Variants in KIF21B observed in about 807,000 individuals in gnomAD.
KIF21B encodes kinesin-like protein KIF21B.
In KIF21B, 85 loss-of-function variants were observed where a neutral mutation model predicts 192.9. That is an observed-to-expected ratio of 0.44 (90% confidence interval 0.37 to 0.53). The LOEUF (loss-of-function observed/expected upper bound fraction) is 0.53, where lower values mean the gene tolerates loss of function less well. Among genes scored for constraint, KIF21B ranks in the 20% least tolerant of loss-of-function variants. The probability of loss-of-function intolerance (pLI) is 0.00; values close to 1 mark genes in which losing one functional copy is unlikely to be tolerated. For missense variants in KIF21B, 1,716 were observed against 2,194.8 expected (o/e 0.78, Z 4.36); for synonymous variants, 832 against 884.6 (o/e 0.94, Z 1.05).
rs1167145203 is a variant in KIF21B at position 201,002,170 on chromosome 1, C to T, written c.1393G>A (p.Ala465Thr). ...LMSQEANLLLAKAGDGNEAIG... is the reference protein window; with the variant it reads ...LMSQEANLLLTKAGDGNEAIG... ...GCACAGCCCAACTCACCGGCCTTGG[C>T]TAGCAGCAGGTTGGCCTCCTGGCTC... The change falls in exon 9 of 35, where the codon GCC (alanine) becomes ACC (threonine). Residue 465 changes from alanine to threonine, a missense_variant. By Grantham distance (58) the Ala-to-Thr change is moderately conservative (BLOSUM62 0). This residue lies in a region of KIF21B where 1,087 missense variants were observed against 1,316.6 expected (regional missense o/e 0.83). Transcript: ENST00000461742. The T allele has an allele frequency of 1.2e-6, 2 of 1,613,844 alleles. No individual in the cohort carries two copies. The highest frequency in any genetic ancestry group is 1.3e-5 in the African/African-American group (1 of 74,942).
At chr1:201,019,497 A>C (rs1658697382) in intron 1 of KIF21B, among the ~76,000 whole-genome samples, 1 of 152,142 alleles carries the variant, frequency 6.6e-6, no homozygotes, top group Non-Finnish European at 1.5e-5. Flanking sequence ...CCAGGGTTGC[A>C]AAAATAAGCA....
rs563987924 is a variant in KIF21B, at chr1:200,974,735, T to A, written c.4793A>T (p.Lys1598Met). Residue 1598 changes from lysine (K) to methionine (M), a missense_variant, in exon 34 of 35, where the codon AAG becomes ATG. Physicochemically the swap from Lys to Met is moderately conservative, Grantham distance 95. Coordinates refer to ENST00000461742, the MANE Select transcript of KIF21B (RefSeq NM_001252102.2). ...SPINAICTNA[K>M]HIFTASSDLT... ...CCACCTGGAGGCTGTGAAGATATGC[T>A]TGGCATTGGTGCAGATGGCATTGAT... is the stretch of plus-strand genomic sequence containing the variant. 8.1e-6 allele frequency: 13 copies of A among 1,614,186 alleles called. 1 individual carries two copies. In the South Asian group the frequency reaches 1.2e-4, roughly 15 times the overall value.
rs763531100 is a variant in KIF21B at position 200,988,822 on chromosome 1, C to T, written c.3242G>A (p.Arg1081His). 25 of 1,613,824 alleles carry T rather than the reference C, an allele frequency of 1.5e-5. No individual in the cohort carries two copies. Among genetic ancestry groups the T allele is most frequent in the Non-Finnish European group, 1.9e-5 (23 of 1,179,886 alleles). ...CTCGGGGTGAGCTTCAGCCTTCTCA[C>T]GCAGGGCGTCCAGGAGCAGATGGTT... ...SQNHLLLDAL[R>H]EKAEAHPELQ... Residue 1081 changes from arginine to histidine, a missense_variant, in exon 22 of 35, where the codon CGT (arginine) becomes CAT (histidine). Arg to His is a conservative substitution (Grantham distance 29, BLOSUM62 0). Transcript: ENST00000461742.
Position 201,023,451 on chromosome 1 carries a change from C to A in KIF21B, c.-68G>T. ...GTCTGGGGGCCAATGCCCGAGGCAGCGGCTGCGGCTGCGGGAGGCGGGGGC... is the reference window on the plus strand; with the variant it reads ...GTCTGGGGGCCAATGCCCGAGGCAGAGGCTGCGGCTGCGGGAGGCGGGGGC... On this transcript the variant is annotated 5_prime_UTR_variant, in exon 1 of 35. Transcript: ENST00000461742. This position sits in a 1 kb window ranked among gnomAD's most constrained non-coding sequence, Gnocchi z 5.9. The A allele has an allele frequency of 8.5e-7, 1 of 1,179,356 alleles. No individual in the cohort carries two copies. Among genetic ancestry groups the A allele is most frequent in the Non-Finnish European group, 1.1e-6 (1 of 920,420 alleles). The allele number at this position is 1,179,356 out of a possible 1,614,324, so 73.1% of individuals were successfully genotyped here. A position where few individuals can be genotyped will look rare whatever the true frequency, so the allele number is the denominator to read the frequency against.
Position 200,990,702 on chromosome 1 carries a change from C to T in KIF21B, c.2709G>A (p.Gly903=). The change falls in exon 19 of 35, where the codon GGG becomes GGA. Residue 903 remains glycine (G), a synonymous_variant. Coordinates refer to ENST00000461742, the MANE Select transcript of KIF21B (RefSeq NM_001252102.2). The surrounding 1 kb of genome is among the most constrained non-coding windows in gnomAD (Gnocchi z 5.4). ...RPARKKFQKK[G]ASQSFSKAAR... ...CCGCCTTACTGAAGCTCTGGCTGGC[C>T]CCCTTCTTCTGGAACTTCTTTCTGG... The T allele has an allele frequency of 1.9e-6, 3 of 1,614,144 alleles. No homozygotes were observed. The highest frequency in any genetic ancestry group is 2.5e-6 in the Non-Finnish European group (3 of 1,180,014).
chr1:200,980,424 A>AT (rs772801519), intron 29 of KIF21B, among the ~76,000 whole-genome samples: 1 of 152,078 alleles, frequency 6.6e-6, no homozygotes, highest in Non-Finnish European at 1.5e-5. Context: ...CTAATTTTTT[A>AT]TTTTTTGTAG....
At position 201,000,066 on chromosome 1, in the gene KIF21B, G is replaced by C; in HGVS notation, c.1686-102C>G. On this transcript the variant is annotated intron_variant, in intron 11 of 34. Coordinates refer to ENST00000461742, the MANE Select transcript of KIF21B (RefSeq NM_001252102.2). The surrounding 1 kb of genome is among the most constrained non-coding windows in gnomAD (Gnocchi z 6.0). ...GCAGAAAAGGAAGGCTCTCACCAGA[G>C]GCCGGGGAGAGCACTGGCTCCTACT... 1 of 1,057,510 alleles carries C rather than the reference G, an allele frequency of 9.5e-7. No individual in the cohort carries two copies. Among genetic ancestry groups the C allele is most frequent in the Non-Finnish European group, 1.4e-6 (1 of 691,306 alleles). 65.5% of individuals were successfully genotyped at this position (1,057,510 alleles called of 1,614,324 possible).
Position 200,999,894 on chromosome 1 carries a change from C to G in KIF21B, c.1756G>C (p.Glu586Gln), listed in dbSNP as rs1421729264. 5 of 1,613,800 alleles carry G rather than the reference C, an allele frequency of 3.1e-6. No individual in the cohort carries two copies. Among genetic ancestry groups the G allele is most frequent in the South Asian group, 1.1e-5 (1 of 91,084 alleles). ...QENSEETDEN[E>Q]AEEEEEERDE... ...CCCGTGCTCCTCACCTCCTCCGCCT[C>G]GTTCTCATCCGTCTCCTCGCTGTTC... The change falls in exon 12 of 35, where the codon GAG becomes CAG. Residue 586 changes from glutamate (E) to glutamine (Q), a missense_variant. Transcript: ENST00000461742. This position sits in a 1 kb window ranked among gnomAD's most constrained non-coding sequence, Gnocchi z 4.7.
At position 200,984,907 on chromosome 1, in the gene KIF21B, ACATTGCGGT is replaced by A; in HGVS notation, c.3746_3754del (p.Asp1249_Asn1251del). ...CTGATTACTGGTGAGACGAGAGAAGACATTGCGGTCATTGCGGGGCCGAGTGGGAGGGGA... is the reference window on the plus strand; with the variant it reads ...CTGATTACTGGTGAGACGAGAGAAGACATTGCGGGGCCGAGTGGGAGGGGA... On this transcript the variant is annotated inframe_deletion, in exon 27 of 35. Coordinates refer to ENST00000461742, the MANE Select transcript of KIF21B (RefSeq NM_001252102.2). 1 of 1,607,374 alleles carries A rather than the reference ACATTGCGGT, an allele frequency of 6.2e-7. No individual in the cohort carries two copies. Among genetic ancestry groups the A allele is most frequent in the Non-Finnish European group, 8.5e-7 (1 of 1,177,590 alleles).
At position 201,005,341 on chromosome 1, in the gene KIF21B, C is replaced by T; in HGVS notation, c.699G>A (p.Leu233=). 3 of 1,611,726 alleles carry T rather than the reference C, an allele frequency of 1.9e-6. No individual in the cohort carries two copies. Among genetic ancestry groups the T allele is most frequent in the South Asian group, 2.2e-5 (2 of 90,778 alleles). The change falls in exon 5 of 35, where the codon CTG becomes CTA. Residue 233 remains leucine (L), a synonymous_variant. Transcript: ENST00000461742. ...GCTGGGTGCACATGCGCATCTGGCA[C>T]AGGTGGATGGTGAAGATGGCGTGGG... The part of the protein sequence containing the change: ...SRSHAIFTIH[L]CQMRMCTQPD...
intron 34 of KIF21B, 67 bp from the exon 35 acceptor site, chr1:200,973,645 A>G (rs1395528101): frequency 6.6e-7 from 1 of 1,517,554 alleles, no homozygotes; most frequent in Non-Finnish European, 8.8e-7. Flanking sequence ...GGCTGCCCCC[A>G]AAAGTAGAGG....
In KIF21B at chr1:200,988,563, G is replaced by GGGC; in HGVS notation, c.3299-20_3299-19insGCC. The GGGC allele has an allele frequency of 1.2e-6, 1 of 829,970 alleles. No homozygotes were observed. Among genetic ancestry groups the GGGC allele is most frequent in the Non-Finnish European group, 2.0e-6 (1 of 510,488 alleles). The allele number at this position is 829,970 out of a possible 1,614,324, so 51.4% of individuals were successfully genotyped here. A position where few individuals can be genotyped will look rare whatever the true frequency, so the allele number is the denominator to read the frequency against. On this transcript the variant is annotated intron_variant, in intron 22 of 34. Transcript: ENST00000461742. ...CCATTCTCTGTGGGAGGGCGGGAGG[G>GGGC]AGGGAAAGGGGTTGAGAAGCCCTGT...
intron 30 of KIF21B, among the ~76,000 whole-genome samples, chr1:200,978,368 A>C (rs1655700361): frequency 1.3e-5 from 2 of 150,940 alleles, no homozygotes; most frequent in South Asian, 4.2e-4. Context: ...TTTTTTTTTT[A>C]AGACTTTATT....
In KIF21B at chr1:200,975,464, C is replaced by A; in HGVS notation, c.4614+35G>T. On this transcript the variant is annotated intron_variant, in intron 33 of 34. Transcript: ENST00000461742. The surrounding 1 kb of genome is among the most constrained non-coding windows in gnomAD (Gnocchi z 4.3). ...GCGTGGGCTATGGAAACCACCCTAC[C>A]CGAGTCTACCCTCTCCCTTTCCTCC... The A allele has an allele frequency of 6.3e-7, 1 of 1,582,306 alleles. No homozygotes were observed. Among genetic ancestry groups the A allele is most frequent in the Non-Finnish European group, 8.6e-7 (1 of 1,158,116 alleles).
intron 32 of KIF21B, among the ~76,000 whole-genome samples, chr1:200,976,162 C>T (rs954521194): frequency 6.6e-6 from 1 of 152,196 alleles, no homozygotes; most frequent in African/African-American, 2.4e-5. Flanking sequence ...GCAAACTCGG[C>T]TCACTGCAAC....
intron 28 of KIF21B, 79 bp from the exon 29 acceptor site, chr1:200,981,175 G>T: frequency 6.8e-7 from 1 of 1,466,672 alleles, no homozygotes. Context: ...ACGTGTGTGG[G>T]ATGGGGACAG....
Position 201,004,362 on chromosome 1 carries a change from G to A in KIF21B, c.994C>T (p.Gln332Ter), listed in dbSNP as rs948708465. 1 of 1,572,250 alleles carries A rather than the reference G, an allele frequency of 6.4e-7. No homozygotes were observed. The highest frequency in any genetic ancestry group is 8.6e-7 in the Non-Finnish European group (1 of 1,157,896). Residue 332 changes from glutamine (Q) to a stop codon, truncating the protein, a stop_gained, in exon 7 of 35, where the codon CAG becomes TAG. Coordinates refer to ENST00000461742, the MANE Select transcript of KIF21B (RefSeq NM_001252102.2). LOFTEE classifies it high-confidence loss of function. ...TACCTGTTGCCCCCCAGCGAATCCT[G>A]GAGGAGCCGAGTGAGCTTGGAGTCC... ...YRDSKLTRLL[Q>*]DSLGGNSQTI...
rs1408136250 is a variant in KIF21B, at chr1:200,999,335, T to C, written c.1885+14A>G. 1.2e-6 allele frequency: 2 copies of C among 1,613,970 alleles called. No individual in the cohort carries two copies. Among genetic ancestry groups the C allele is most frequent in the Non-Finnish European group, 1.7e-6 (2 of 1,179,982 alleles). On this transcript the variant is annotated intron_variant, in intron 13 of 34. Coordinates refer to ENST00000461742, the MANE Select transcript of KIF21B (RefSeq NM_001252102.2). The surrounding 1 kb of genome is among the most constrained non-coding windows in gnomAD (Gnocchi z 4.7). ...CATTGCATCCCCCACAGCCCACAGC[T>C]CAGGCCCACGCACCCTTCTCCTCGG...
chr1:201,009,144 C>A, intron 2 of KIF21B, 122 bp downstream of exon 2: 1 of 1,170,234 alleles, frequency 8.5e-7, no homozygotes. Context: ...CAACGGCCTC[C>A]TTAGACAATA....
Sources: gnomAD v4.1 joint callset for allele counts (sites outside exome capture counted in the v4.1 genomes callset) on GRCh38, gnomAD v4.1.1 for gene constraint, gnomAD v4.1.1 regional missense constraint, Gnocchi (gnomAD v3.1) non-coding constraint, MANE v1.5 for transcripts, NCBI Gene and HGNC (gene_info 2026-07-23, HGNC 2026-07-21) for gene names.